The following NRXN1 variants were observed in gnomAD, a reference collection of about 807,000 sequenced individuals.
NRXN1 encodes neurexin 1.
A neutral mutation model predicts 150.9 loss-of-function variants in NRXN1; 39 were observed. The observed-to-expected ratio is 0.26, with a 90% CI of 0.20 to 0.34. The LOEUF (loss-of-function observed/expected upper bound fraction) is 0.34. Among genes scored for constraint, NRXN1 ranks in the 10% least tolerant of loss-of-function variants. The pLI is 1.00. For synonymous variants in NRXN1, 924 were observed against 757.0 expected, an observed-to-expected ratio of 1.22 and a Z score of -3.62; for missense variants, 1,815 against 1,949.9, an observed-to-expected ratio of 0.93 and a Z score of 1.30.
chr2:50,451,751 T>C (rs1176520709), intron 17 of NRXN1, among the ~76,000 whole-genome samples: 1 of 152,198 alleles, frequency 6.6e-6, no homozygotes, highest in Non-Finnish European at 1.5e-5. Context: ...TTCTAATTCT[T>C]ATTAACATGA....
At chr2:50,881,355 T>A (rs924826210) in intron 5 of NRXN1, among the ~76,000 whole-genome samples, 2 of 151,974 alleles carry the variant, frequency 1.3e-5, no homozygotes, top group African/African-American at 4.8e-5. Flanking sequence ...TGTTCCAGCT[T>A]TCCTAAAGAC....
chr2:50,686,560 C>G (rs1465344112), intron 5 of NRXN1, among the ~76,000 whole-genome samples: 6 of 152,122 alleles, frequency 3.9e-5, no homozygotes, highest in Non-Finnish European at 7.4e-5. Flanking sequence ...TAAATGGAAG[C>G]AATTTAAAGA....
intron 5 of NRXN1, among the ~76,000 whole-genome samples, chr2:50,683,646 A>AAAAAAAAAAAAAAAAAATATATAT: frequency 8.1e-4 from 12 of 14,900 alleles, no homozygotes; most frequent in African/African-American, 2.2e-3. Context: ...AAAAAAAAAA[A>AAAAAAAAAAAAAAAAAATATATAT]ATATATATAT....
chr2:50,481,879 C>T (rs2090492471), intron 15 of NRXN1, among the ~76,000 whole-genome samples: 3 of 137,366 alleles, frequency 2.2e-5, no homozygotes, highest in South Asian at 4.5e-4. Flanking sequence ...TATTCTCCTG[C>T]CTCAGCCTCC....
chr2:50,206,677 GGTTTT>G (rs1158743546), intron 18 of NRXN1, among the ~76,000 whole-genome samples: 1 of 151,908 alleles, frequency 6.6e-6, no homozygotes, highest in Non-Finnish European at 1.5e-5. Flanking sequence ...ATGTCTGGAA[GGTTTT>G]GTTTTGTTTT....
At chr2:50,539,282 T>C (rs2093338051) in intron 9 of NRXN1, among the ~76,000 whole-genome samples, 1 of 152,232 alleles carries the variant, frequency 6.6e-6, no homozygotes, top group Admixed American at 6.5e-5. Flanking sequence ...ATAATCACTG[T>C]ATAAATGTTT....
chr2:50,381,529 A>G (rs2080965834), intron 17 of NRXN1, among the ~76,000 whole-genome samples: 1 of 83,256 alleles, frequency 1.2e-5, no homozygotes, highest in South Asian at 3.9e-4. Flanking sequence ...TTAAACACAC[A>G]CACACACACA....
chr2:50,503,027 G>T (rs563165723), intron 13 of NRXN1, among the ~76,000 whole-genome samples: 2 of 152,074 alleles, frequency 1.3e-5, no homozygotes, highest in Non-Finnish European at 2.9e-5. Flanking sequence ...TAAGAAAAGG[G>T]CCAGGCACGG....
At chr2:50,427,858 C>T (rs2084628656) in intron 17 of NRXN1, among the ~76,000 whole-genome samples, 1 of 152,080 alleles carries the variant, frequency 6.6e-6, no homozygotes, top group Non-Finnish European at 1.5e-5. Context: ...TCTGCCATGT[C>T]CTGAGAAAAA....
intron 13 of NRXN1, among the ~76,000 whole-genome samples, 158 bp downstream of exon 13, chr2:50,506,337 C>T (rs2092219574): frequency 6.6e-6 from 1 of 151,930 alleles, no homozygotes; most frequent in Non-Finnish European, 1.5e-5. Flanking sequence ...TAACAGACTG[C>T]TTATTTAATA....
chr2:50,416,536 C>G (rs921578577), intron 17 of NRXN1, among the ~76,000 whole-genome samples: 1 of 151,978 alleles, frequency 6.6e-6, no homozygotes, highest in East Asian at 1.9e-4. Flanking sequence ...TACATTTTCA[C>G]TATTGTATTA....
At chr2:50,185,908 G>T (rs1383686859) in intron 18 of NRXN1, among the ~76,000 whole-genome samples, 3 of 151,962 alleles carry the variant, frequency 2.0e-5, no homozygotes, top group African/African-American at 7.2e-5. Flanking sequence ...CTCAGTGTGT[G>T]TTCCTCTTCA....
chr2:50,635,043 G>A (rs868581123), intron 5 of NRXN1, among the ~76,000 whole-genome samples: 1 of 152,148 alleles, frequency 6.6e-6, no homozygotes, highest in African/African-American at 2.4e-5. Context: ...CCCAGCTAGT[G>A]GCCTTCTTGT....
chr2:50,588,508 C>G (rs185760829), intron 8 of NRXN1, among the ~76,000 whole-genome samples: 154 of 152,198 alleles, frequency 1.0e-3, no homozygotes, highest in African/African-American at 3.6e-3. Context: ...CTGACTCCTC[C>G]GACTTCATCC....
At chr2:50,976,028 A>G (rs1695765789) in intron 2 of NRXN1, among the ~76,000 whole-genome samples, 1 of 151,964 alleles carries the variant, frequency 6.6e-6, no homozygotes, top group African/African-American at 2.4e-5. Context: ...TGTCCCCTTG[A>G]CTAGACATCT....
intron 18 of NRXN1, among the ~76,000 whole-genome samples, chr2:50,148,133 CTGA>C (rs1183600250): frequency 2.6e-5 from 4 of 151,538 alleles, no homozygotes; most frequent in South Asian, 2.1e-4. Flanking sequence ...AAAAGCAGTA[CTGA>C]TGATGATCTG....
intron 18 of NRXN1, among the ~76,000 whole-genome samples, chr2:50,184,235 T>C (rs1228539772): frequency 6.6e-6 from 1 of 152,030 alleles, no homozygotes; most frequent in Non-Finnish European, 1.5e-5. Context: ...AATCTATATT[T>C]TCAAACAATA....
At chr2:50,918,961 T>C (rs1685604344) in intron 5 of NRXN1, 5 of 156,240 alleles carry the variant, frequency 3.2e-5, no homozygotes, top group African/African-American at 1.2e-4. Flanking sequence ...CTATAATTCA[T>C]TCAAAGTTTA....
At chr2:50,763,626 G>T (rs1702066947) in intron 5 of NRXN1, among the ~76,000 whole-genome samples, 1 of 151,826 alleles carries the variant, frequency 6.6e-6, no homozygotes. Flanking sequence ...CAGCCAACTT[G>T]TGGAAGGTGA....
Sources: allele counts gnomAD v4.1 joint callset (sites outside exome capture counted in the v4.1 genomes callset), GRCh38; gene constraint gnomAD v4.1.1; transcripts MANE v1.5; gene names NCBI Gene and HGNC (gene_info 2026-07-23, HGNC 2026-07-21).